NUCB2: variants seen among roughly 807,000 people sequenced by gnomAD.
NUCB2 encodes the protein nucleobindin 2.
A neutral mutation model predicts 57.9 loss-of-function variants in NUCB2; 48 were observed. The ratio of observed to expected loss-of-function variants is 0.83; its 90% CI spans 0.66 to 1.05. The LOEUF (loss-of-function observed/expected upper bound fraction) is 1.05, where lower values mean the gene tolerates loss of function less well. Ranked by LOEUF, NUCB2 falls within the 50% of genes least tolerant of loss-of-function variation. NUCB2 has a pLI of 0.00. For missense variants in NUCB2, 442 were observed against 476.2 expected, an observed-to-expected ratio of 0.93 and a Z score of 0.67; for synonymous variants, 139 against 152.1, an observed-to-expected ratio of 0.91 and a Z score of 0.64.
Position 17,324,780 on chromosome 11 carries a change from C to CTATTTATTTATT in NUCB2, c.1003-5321_1003-5310dup, listed in dbSNP as rs147466695. ...GTGACCTAGCATATTGTCTATTTGT[C>CTATTTATTTATT]TATTTATTTATTTATTTATTTATTT... On this transcript the variant is annotated intron_variant, in intron 11 of 13. Coordinates refer to ENST00000529010, the MANE Select transcript of NUCB2 (RefSeq NM_005013.4). Among the ~76,000 whole-genome samples, 600 of 147,168 alleles carry CTATTTATTTATT rather than the reference C, an allele frequency of 4.1e-3. 2 individuals carry two copies. Among genetic ancestry groups the CTATTTATTTATT allele is most frequent in the African/African-American group, 0.011 (430 of 39,720 alleles).
At chr11:17,287,338 CAAAA>C (rs1186895218) in intron 2 of NUCB2, among the ~76,000 whole-genome samples, 1 of 151,610 alleles carries the variant, frequency 6.6e-6, no homozygotes, top group East Asian at 1.9e-4. Flanking sequence ...TCTCAAAAAA[CAAAA>C]AAGCCCTATA....
chr11:17,306,549 G>A (rs1441128485), intron 5 of NUCB2, among the ~76,000 whole-genome samples: 3 of 152,202 alleles, frequency 2.0e-5, no homozygotes, highest in Non-Finnish European at 4.4e-5. Flanking sequence ...TCTCTCCCTG[G>A]GACAACTTCC....
chr11:17,300,989 T>TTA (rs1946617075), intron 4 of NUCB2, among the ~76,000 whole-genome samples: 1 of 147,292 alleles, frequency 6.8e-6, no homozygotes, highest in Non-Finnish European at 1.5e-5. Context: ...TTTTTTTTTT[T>TTA]GAGACGGAGT....
Position 17,310,909 on chromosome 11 carries a change from G to T in NUCB2, c.568G>T (p.Glu190Ter). Residue 190 changes from glutamate to a stop codon, truncating the protein, a stop_gained, in exon 7 of 14, where the codon GAA becomes TAA. Transcript: ENST00000529010. LOFTEE classifies it high-confidence loss of function. ...YEMMKEHERREYLKTLNEEKR... is the reference protein window; with the variant it reads ...YEMMKEHERR ...AATGATGAAGGAACATGAAAGGAGA[G>T]AATATTTAAAAACATTGAATGAAGA... The T allele has an allele frequency of 6.3e-7, 1 of 1,591,198 alleles. No homozygotes were observed. The highest frequency in any genetic ancestry group is 8.5e-7 in the Non-Finnish European group (1 of 1,171,404).
chr11:17,340,465 G>A (rs985489030), intron 2 of NUCB2, among the ~76,000 whole-genome samples: 1 of 152,114 alleles, frequency 6.6e-6, no homozygotes, highest in African/African-American at 2.4e-5. Flanking sequence ...TTTTCTTCTA[G>A]GGTTTTTATG....
At chr11:17,305,848 A>T (rs1364089916) in intron 5 of NUCB2, among the ~76,000 whole-genome samples, 1 of 151,518 alleles carries the variant, frequency 6.6e-6, no homozygotes, top group East Asian at 1.9e-4. Context: ...GTTTGAGGGA[A>T]CTCCTGGCCT....
intron 5 of NUCB2, among the ~76,000 whole-genome samples, chr11:17,307,618 T>A (rs1025028806): frequency 2.0e-5 from 3 of 152,204 alleles, no homozygotes; most frequent in Non-Finnish European, 4.4e-5. Context: ...TCTCTCTTTT[T>A]ATTTTTTGTT....
intron 10 of NUCB2, 22 bp downstream of exon 10, chr11:17,312,142 T>A: frequency 9.1e-7 from 1 of 1,099,390 alleles, no homozygotes; most frequent in South Asian, 1.4e-5. Context: ...AAGTTTAAGA[T>A]AATATGTTAT....
rs1230534234 is a variant in NUCB2 at position 17,342,730 on chromosome 11, C to G, written n.2626+5196C>G. 4.0e-5 allele frequency among the ~76,000 whole-genome samples: 6 copies of G among 149,254 alleles called. No individual in the cohort carries two copies. The East Asian group carries it at 1.2e-3, about 29-fold the overall frequency. Reference sequence around the variant, plus strand: ...CATTTGCTGAGGAGAGCTTTACTTCCAAGTATGTGGTCAATTTTGGAATAG... The same window carrying G: ...CATTTGCTGAGGAGAGCTTTACTTCGAAGTATGTGGTCAATTTTGGAATAG... On this transcript the variant is annotated intron_variant and non_coding_transcript_variant, in intron 2 of 2. Coordinates refer to the NUCB2 transcript ENST00000532240.
intron 5 of NUCB2, among the ~76,000 whole-genome samples, chr11:17,302,569 T>G (rs900612872): frequency 3.9e-5 from 6 of 152,036 alleles, no homozygotes; most frequent in African/African-American, 1.4e-4. Flanking sequence ...TCTTTCTTTT[T>G]TTTAAAGAAA....
At chr11:17,343,413 G>A (rs978836522) in intron 2 of NUCB2, among the ~76,000 whole-genome samples, 3 of 152,166 alleles carry the variant, frequency 2.0e-5, no homozygotes, top group Non-Finnish European at 4.4e-5. Context: ...TGCATTTTTA[G>A]TGATGTCAGA....
chr11:17,335,140 CTA>C (rs1199380836), downstream of NUCB2, among the ~76,000 whole-genome samples: 1 of 151,780 alleles, frequency 6.6e-6, no homozygotes, highest in African/African-American at 2.4e-5. Flanking sequence ...AATAGAATCT[CTA>C]TTGCTTAAAT....
At chr11:17,303,335 T>C (rs886880835) in intron 5 of NUCB2, among the ~76,000 whole-genome samples, 2 of 152,156 alleles carry the variant, frequency 1.3e-5, no homozygotes, top group Non-Finnish European at 2.9e-5. Flanking sequence ...CTCCAAAGAA[T>C]ACTATCTCAT....
At chr11:17,310,755 C>G in intron 6 of NUCB2, 70 bp from the exon 7 acceptor site, 1 of 1,276,410 alleles carries the variant, frequency 7.8e-7, no homozygotes, top group Non-Finnish European at 1.1e-6. Flanking sequence ...ATGCTATATT[C>G]AAGAATGGCT....
chr11:17,280,696 G>T (rs985809439), intron 1 of NUCB2, among the ~76,000 whole-genome samples: 1 of 152,180 alleles, frequency 6.6e-6, no homozygotes, highest in Admixed American at 6.6e-5. Context: ...ATTGCATCAG[G>T]ACTTTGGTTC....
chr11:17,338,925 A>G (rs1952019239), intron 2 of NUCB2, among the ~76,000 whole-genome samples: 2 of 152,044 alleles, frequency 1.3e-5, no homozygotes, highest in African/African-American at 2.4e-5. Flanking sequence ...CGGCCTCCCA[A>G]AGTGTTGGGA....
Position 17,313,791 on chromosome 11 carries a change from C to G in NUCB2, c.913-1595C>G, listed in dbSNP as rs117287585. ...CCTCACTCTCTCTTCTTTGCTGGCT[C>G]TTCCTCCTCTTTCCAAGTTCTACAT... On this transcript the variant is annotated intron_variant, in intron 10 of 13. Coordinates refer to ENST00000529010, the MANE Select transcript of NUCB2 (RefSeq NM_005013.4). 9.7e-3 allele frequency among the ~76,000 whole-genome samples: 1,470 copies of G among 152,216 alleles called. 20 individuals carry two copies. Among genetic ancestry groups the G allele is most frequent in the Non-Finnish European group, 0.015 (990 of 68,000 alleles).
rs1948548316 is a variant in NUCB2 at position 17,311,968 on chromosome 11, C to G, written c.819+38C>G. 6 of 1,543,748 alleles carry G rather than the reference C, an allele frequency of 3.9e-6. No individual in the cohort carries two copies. The South Asian group carries it at 4.8e-5, about 12-fold the overall frequency. ...ATTAAGTATTCAGTGTTCTTGTTCT[C>G]TCTCTTTTTTTCCTGTTACTTTCTT... is the stretch of plus-strand genomic sequence containing the variant. On this transcript the variant is annotated intron_variant, in intron 9 of 13. Transcript: ENST00000529010.
At chr11:17,298,521 TTA>T (rs1345701660) in intron 4 of NUCB2, among the ~76,000 whole-genome samples, 4 of 151,886 alleles carry the variant, frequency 2.6e-5, no homozygotes, top group African/African-American at 9.7e-5. Flanking sequence ...TGAGCCATGA[TTA>T]TATGACTGTA....
Sources: gnomAD v4.1 joint callset for allele counts (sites outside exome capture counted in the v4.1 genomes callset) on GRCh38, gnomAD v4.1.1 for gene constraint, MANE v1.5 for transcripts, NCBI Gene and HGNC (gene_info 2026-07-23, HGNC 2026-07-21) for gene names.